Variants in COL4A6 observed in about 807,000 individuals in gnomAD.
COL4A6 encodes collagen type IV alpha 6 chain.
A neutral mutation model predicts 126.7 loss-of-function variants in COL4A6; 59 were observed. That is an observed-to-expected ratio of 0.47 (90% CI 0.38 to 0.58). The LOEUF is 0.58. Among genes scored for constraint, COL4A6 ranks in the 20% least tolerant of loss-of-function variants. COL4A6 has a pLI of 0.00. For missense variants in COL4A6, 1,285 were observed against 1,337.3 expected (o/e 0.96, Z 0.61); for synonymous variants, 547 against 496.6 (o/e 1.10, Z -1.35).
intron 2 of COL4A6, among the ~76,000 whole-genome samples, chrX:108,342,985 C>G (rs1208137297): frequency 9.3e-6 from 1 of 107,900 alleles, no homozygotes; most frequent in Non-Finnish European, 1.9e-5. Flanking sequence ...TAGAGTTGTT[C>G]CAAGTGACAA....
chrX:108,157,428 C>A (rs771886143), intron 44 of COL4A6, among the ~76,000 whole-genome samples, 168 bp from the exon 45 acceptor site: 2 of 111,458 alleles, frequency 1.8e-5, no homozygotes, highest in South Asian at 7.7e-4. Context: ...GTTTTAGGGG[C>A]AGGGGCTGCT....
At chrX:108,392,496 T>C (rs1213912456) in intron 2 of COL4A6, among the ~76,000 whole-genome samples, 3 of 109,114 alleles carry the variant, frequency 2.7e-5, no homozygotes, top group African/African-American at 1.0e-4. Context: ...AATATTTAAG[T>C]GACTGATAAG....
intron 38 of COL4A6, 146 bp downstream of exon 38, chrX:108,165,224 C>G: frequency 1.3e-6 from 1 of 743,025 alleles, no homozygotes. Flanking sequence ...GCTCAAGTCC[C>G]CTGTGTCCCC....
At chrX:108,231,241 T>A (rs951676730) in intron 3 of COL4A6, among the ~76,000 whole-genome samples, 7 of 112,184 alleles carry the variant, frequency 6.2e-5, no homozygotes, top group Admixed American at 5.7e-4. Flanking sequence ...TCATCTATAA[T>A]CAGCGTTTGA....
At chrX:108,167,759 G>T (rs1010531199) in intron 37 of COL4A6, among the ~76,000 whole-genome samples, 7 of 111,820 alleles carry the variant, frequency 6.3e-5, no homozygotes, top group Admixed American at 1.9e-4. Context: ...TCTTTTTAAA[G>T]AAATTGTTTT....
intron 3 of COL4A6, among the ~76,000 whole-genome samples, chrX:108,287,865 T>C (rs2038049876): frequency 8.9e-6 from 1 of 112,041 alleles, no homozygotes; most frequent in Non-Finnish European, 1.9e-5. Context: ...CCTGTCCTTG[T>C]ACCACTGCCG....
At chrX:108,254,536 C>A (rs1269075967) in intron 3 of COL4A6, among the ~76,000 whole-genome samples, 2 of 109,465 alleles carry the variant, frequency 1.8e-5, no homozygotes, top group Non-Finnish European at 1.9e-5. Flanking sequence ...TTTTTTGGTT[C>A]ACTTTGAATC....
chrX:108,159,527 C>T lies in COL4A6; in HGVS notation c.4747G>A (p.Asp1583Asn). The T allele has an allele frequency of 8.2e-7, 1 of 1,212,255 alleles. No homozygotes were observed. The highest frequency in any genetic ancestry group is 3.0e-5 in the East Asian group (1 of 33,857). The change falls in exon 44 of 45, where the codon GAC becomes AAC. Residue 1583 changes from aspartate (D) to asparagine (N), a missense_variant. By Grantham distance (23) the Asp-to-Asn change is conservative (BLOSUM62 1). Coordinates refer to ENST00000334504, the MANE Select transcript of COL4A6 (RefSeq NM_033641.4). ...PSQAIAVHSQ[D>N]ITIPQCPLGW... is the part of the protein sequence containing the mutation. ...AGGGGGCACTGCGGGATGGTGATGT[C>T]CTGGCTGTGCACAGCAATGGCTTGC...
At chrX:108,360,106 C>A (rs997605015) in intron 2 of COL4A6, among the ~76,000 whole-genome samples, 1 of 111,953 alleles carries the variant, frequency 8.9e-6, no homozygotes, top group African/African-American at 3.2e-5. Flanking sequence ...CTAAATAATC[C>A]GAAACTCCAG....
chrX:108,306,093 A>G (rs2038619636), intron 3 of COL4A6, among the ~76,000 whole-genome samples: 1 of 112,273 alleles, frequency 8.9e-6, no homozygotes, highest in South Asian at 3.8e-4. Flanking sequence ...GGGGGATCCC[A>G]ATCACAGTAG....
In COL4A6 at chrX:108,221,882, C is replaced by T. The variant is rs73537904; in HGVS notation, c.145-508G>A. 4.6e-3 allele frequency among the ~76,000 whole-genome samples: 514 copies of T among 112,616 alleles called. 5 individuals carry two copies. Among genetic ancestry groups the T allele is most frequent in the African/African-American group, 0.016 (492 of 31,030 alleles). ...TGACAAACCTGCAAGAGCTCATCTTCGTTGGCAGATCCCAGGACTCCATCA... is the reference window on the plus strand; with the variant it reads ...TGACAAACCTGCAAGAGCTCATCTTTGTTGGCAGATCCCAGGACTCCATCA... On this transcript the variant is annotated intron_variant, in intron 3 of 44. Coordinates refer to ENST00000334504, the MANE Select transcript of COL4A6 (RefSeq NM_033641.4).
At chrX:108,413,945 T>G (rs186689151) in intron 2 of COL4A6, among the ~76,000 whole-genome samples, 24 of 112,077 alleles carry the variant, frequency 2.1e-4, no homozygotes, top group African/African-American at 7.8e-4. Flanking sequence ...CTCATGTCAT[T>G]TGTTACAAAA....
At chrX:108,310,883 C>A in intron 2 of COL4A6, 55 bp from the exon 3 acceptor site, 1 of 934,515 alleles carries the variant, frequency 1.1e-6, no homozygotes, top group Non-Finnish European at 1.5e-6. Flanking sequence ...GCAATGTTGT[C>A]CCAGCAGACC....
intron 2 of COL4A6, among the ~76,000 whole-genome samples, chrX:108,400,721 T>C (rs2041069910): frequency 1.8e-5 from 2 of 111,856 alleles, no homozygotes; most frequent in African/African-American, 6.5e-5. Flanking sequence ...TGTGTATGTG[T>C]GTTTAAATAT....
chrX:108,175,543 T>C (rs2034453921), intron 29 of COL4A6, 111 bp downstream of exon 29: 1 of 918,089 alleles, frequency 1.1e-6, no homozygotes, highest in Non-Finnish European at 1.5e-6. Context: ...CCCAAATTTT[T>C]ATTATCTAAC....
At chrX:108,428,378 A>G (rs1374520207) in intron 2 of COL4A6, among the ~76,000 whole-genome samples, 1 of 111,657 alleles carries the variant, frequency 9.0e-6, no homozygotes, top group Non-Finnish European at 1.9e-5. Flanking sequence ...CAAAATTGGG[A>G]AATGATTTTT....
Position 108,159,596 on chromosome X carries a change from T to C in COL4A6, c.4678A>G (p.Ile1560Val), listed in dbSNP as rs1295326319. 1.7e-6 allele frequency: 2 copies of C among 1,210,877 alleles called. No homozygotes were observed. Among genetic ancestry groups the C allele is most frequent in the African/African-American group, 3.5e-5 (2 of 57,419 alleles). ...IPMMPVSQTQ[I>V]PQYISRCSVC... ...GAGCAGCGGCTGATGTACTGGGGAA[T>C]CTGGGTCTGGCTGACGGGCATCATG... Residue 1560 changes from isoleucine to valine, a missense_variant, in exon 44 of 45, where the codon ATT becomes GTT. Coordinates refer to ENST00000334504, the MANE Select transcript of COL4A6 (RefSeq NM_033641.4).
intron 2 of COL4A6, among the ~76,000 whole-genome samples, chrX:108,377,361 T>C (rs1270196827): frequency 1.8e-5 from 2 of 108,144 alleles, no homozygotes; most frequent in Non-Finnish European, 3.8e-5. Context: ...CTTCCTCTTA[T>C]CTCAACTGCA....
In COL4A6 at chrX:108,173,510, C is replaced by T. The variant is rs185189278; in HGVS notation, c.3138+930G>A. Among the ~76,000 whole-genome samples, 524 of 107,343 alleles carry T rather than the reference C, an allele frequency of 4.9e-3. 3 individuals carry two copies. The highest frequency in any genetic ancestry group is 0.018 in the African/African-American group (510 of 29,129). The allele number at this position is 107,343 out of a possible 115,157, so 93.2% of individuals were successfully genotyped here. A position where few individuals can be genotyped will look rare whatever the true frequency, so the allele number is the denominator to read the frequency against. On this transcript the variant is annotated intron_variant, in intron 31 of 44. Coordinates refer to ENST00000334504, the MANE Select transcript of COL4A6 (RefSeq NM_033641.4). Reference sequence around the variant, plus strand: ...TGTGTGTGTGTGTGCACGCACACACCAAGTTCTCTCCATCAGATGGACTGA... The same window carrying T: ...TGTGTGTGTGTGTGCACGCACACACTAAGTTCTCTCCATCAGATGGACTGA...
Sources: gnomAD v4.1 joint callset for allele counts (sites outside exome capture counted in the v4.1 genomes callset) on GRCh38, gnomAD v4.1.1 for gene constraint, MANE v1.5 for transcripts, NCBI Gene and HGNC (gene_info 2026-07-23, HGNC 2026-07-21) for gene names.